NDUFB6: variants seen among roughly 807,000 people sequenced by gnomAD.
The protein encoded by NDUFB6 is NADH dehydrogenase [ubiquinone] 1 beta subcomplex subunit 6.
NDUFB6 carries 23 observed loss-of-function variants against 17.5 expected under a neutral mutation model. The observed-to-expected ratio is 1.31, with a 90% confidence interval of 0.94 to 1.86. The LOEUF is 1.86. NDUFB6 is among the 40% of genes most tolerant of loss of function. The pLI is 0.00. For missense variants in NDUFB6, 167 were observed against 153.8 expected, an observed-to-expected ratio of 1.09 and a Z score of -0.46; for synonymous variants, 60 against 53.5, an observed-to-expected ratio of 1.12 and a Z score of -0.53.
intron 2 of NDUFB6, chr9:32,566,758 G>A (rs978599251): frequency 1.8e-5 from 16 of 906,000 alleles, no homozygotes; most frequent in East Asian, 5.1e-5. Flanking sequence ...TCCTCAGCCC[G>A]GGTGTCGGCT....
chr9:32,566,381 T>C, intron 2 of NDUFB6: 1 of 1,090,280 alleles, frequency 9.2e-7, no homozygotes, highest in Non-Finnish European at 1.4e-6. Flanking sequence ...GTTTCCACTA[T>C]GTGATCCAGG....
intron 2 of NDUFB6, chr9:32,566,791 A>T: frequency 1.1e-6 from 1 of 912,066 alleles, no homozygotes; most frequent in Non-Finnish European, 1.8e-6. Flanking sequence ...CTGACGTTGT[A>T]CAGGAGGTCG....
chr9:32,569,682 T>A, intron 2 of NDUFB6, among the ~76,000 whole-genome samples: 1 of 47,458 alleles, frequency 2.1e-5, no homozygotes, highest in African/African-American at 7.6e-5. Flanking sequence ...TCCAGCTATT[T>A]TTTTTTCTTT....
At chr9:32,554,468 G>C (rs1821399236) in intron 3 of NDUFB6, among the ~76,000 whole-genome samples, 1 of 152,200 alleles carries the variant, frequency 6.6e-6, no homozygotes, top group African/African-American at 2.4e-5. Flanking sequence ...GAACCAAGTG[G>C]TAAGAATCTT....
intron 3 of NDUFB6, among the ~76,000 whole-genome samples, chr9:32,555,994 A>C (rs1227542058): frequency 1.3e-5 from 2 of 152,230 alleles, no homozygotes; most frequent in Non-Finnish European, 1.5e-5. Context: ...GATACAGTTA[A>C]CTTGTCTTCT....
At chr9:32,569,547 C>T (rs1008888209) in intron 2 of NDUFB6, among the ~76,000 whole-genome samples, 1 of 152,182 alleles carries the variant, frequency 6.6e-6, no homozygotes, top group African/African-American at 2.4e-5. Context: ...AGCATATCAA[C>T]CTGGCACCTA....
At position 32,553,062 on chromosome 9, in the gene NDUFB6, CACTT is replaced by C. The variant is rs1235851133; in HGVS notation, c.*810_*813del. 9.6e-6 allele frequency: 5 copies of C among 521,964 alleles called. No homozygotes were observed. Among genetic ancestry groups the C allele is most frequent in the African/African-American group, 5.8e-5 (3 of 51,904 alleles). The allele number at this position is 521,964 out of a possible 1,614,324, so 32.3% of individuals were successfully genotyped here. A position where few individuals can be genotyped will look rare whatever the true frequency, so the allele number is the denominator to read the frequency against. On this transcript the variant is annotated 3_prime_UTR_variant, in exon 4 of 4. Coordinates refer to ENST00000379847, the MANE Select transcript of NDUFB6 (RefSeq NM_002493.5). The stretch of plus-strand genomic sequence containing the variant: ...AACAAGCACTAGTATGCAAATTTTT[CACTT>C]AGAGATTTTAGTATTTTACATTCTC...
intron 2 of NDUFB6, among the ~76,000 whole-genome samples, chr9:32,561,456 T>G (rs920633477): frequency 6.6e-6 from 1 of 152,066 alleles, no homozygotes; most frequent in Non-Finnish European, 1.5e-5. Context: ...GCCTTCTGAG[T>G]AGCTGGGATT....
chr9:32,561,618 C>T (rs1821629172), intron 2 of NDUFB6, among the ~76,000 whole-genome samples: 1 of 152,230 alleles, frequency 6.6e-6, no homozygotes, highest in African/African-American at 2.4e-5. Flanking sequence ...CATGAGCCAC[C>T]ACACCCAGTC....
chr9:32,567,079 C>T (rs1452393357), intron 2 of NDUFB6: 3 of 489,208 alleles, frequency 6.1e-6, no homozygotes, highest in East Asian at 1.3e-4. Flanking sequence ...CAAACTTCCT[C>T]GGGCTGCACA....
chr9:32,563,491 C>CTTTTTTTTTTTTTTTTTTTT lies in NDUFB6; in HGVS notation c.274-4538_274-4537insAAAAAAAAAAAAAAAAAAAA, dbSNP rs111646430. Reference sequence around the variant, plus strand: ...CTCCTGAACAGGTGGGACTATTGGGCTTTTTTTTTTTTTGGAGGGATGGGG... The same window carrying CTTTTTTTTTTTTTTTTTTTT: ...CTCCTGAACAGGTGGGACTATTGGGCTTTTTTTTTTTTTTTTTTTTTTTTTTTTTTTTTGGAGGGATGGGG... On this transcript the variant is annotated intron_variant, in intron 2 of 3. Coordinates refer to ENST00000379847, the MANE Select transcript of NDUFB6 (RefSeq NM_002493.5). Among the ~76,000 whole-genome samples the CTTTTTTTTTTTTTTTTTTTT allele has an allele frequency of 5.9e-4, 54 of 91,980 alleles. 6 individuals carry two copies. The highest frequency in any genetic ancestry group is 1.9e-3 in the African/African-American group (44 of 22,576). The allele number at this position is 91,980 out of a possible 152,430, so 60.3% of individuals were successfully genotyped here.
intron 2 of NDUFB6, among the ~76,000 whole-genome samples, chr9:32,564,013 C>G (rs1275454449): frequency 6.6e-6 from 1 of 152,168 alleles, no homozygotes; most frequent in Non-Finnish European, 1.5e-5. Context: ...AGCTCTGGGT[C>G]CTTTCAGTGC....
chr9:32,566,796 A>C (rs1056192880), intron 2 of NDUFB6: 1 of 904,430 alleles, frequency 1.1e-6, no homozygotes, highest in Non-Finnish European at 1.8e-6. Context: ...GTTGTACAGG[A>C]GGTCGGCCAG....
At chr9:32,568,880 A>T (rs1014978683) in intron 2 of NDUFB6, among the ~76,000 whole-genome samples, 47 of 150,152 alleles carry the variant, frequency 3.1e-4, no homozygotes, top group African/African-American at 1.0e-3. Flanking sequence ...CCTCCCGAGT[A>T]GCTGGGATTA....
intron 2 of NDUFB6, among the ~76,000 whole-genome samples, chr9:32,560,447 G>A (rs1165082250): frequency 6.6e-6 from 1 of 152,192 alleles, no homozygotes; most frequent in Admixed American, 6.5e-5. Flanking sequence ...GTTAAACCCA[G>A]AGTATAAATA....
chr9:32,562,536 T>A (rs1436474380), intron 2 of NDUFB6, among the ~76,000 whole-genome samples: 1 of 152,206 alleles, frequency 6.6e-6, no homozygotes, highest in African/African-American at 2.4e-5. Context: ...TGTTAGACAG[T>A]CCTTAACTTC....
At chr9:32,569,487 G>C (rs575828493) in intron 2 of NDUFB6, among the ~76,000 whole-genome samples, 18 of 152,134 alleles carry the variant, frequency 1.2e-4, no homozygotes, top group African/African-American at 4.3e-4. Flanking sequence ...CAAAGTGCTG[G>C]GATTACAGGC....
intron 2 of NDUFB6, chr9:32,568,748 A>ATATTTT (rs1213123923): frequency 9.6e-5 from 11 of 114,400 alleles, no homozygotes; most frequent in African/African-American, 2.8e-4. Context: ...ATATATATAT[A>ATATTTT]TTTTTTTTTT....
rs1476073139 is a variant in NDUFB6, at chr9:32,566,162, AC to A, written c.273+4797del. On this transcript the variant is annotated intron_variant, in intron 2 of 3. Coordinates refer to ENST00000379847, the MANE Select transcript of NDUFB6 (RefSeq NM_002493.5). ...GTGTGTATATGTCACTGGCGCTTTCACACAGGCCACTTCCTCTTCAACCTTG... is the reference window on the plus strand; with the variant it reads ...GTGTGTATATGTCACTGGCGCTTTCAACAGGCCACTTCCTCTTCAACCTTG... The A allele has an allele frequency of 5.7e-5, 40 of 705,604 alleles. No individual in the cohort carries two copies. In the Middle Eastern group the frequency reaches 7.5e-4, roughly 13 times the overall value. 43.7% of individuals were successfully genotyped at this position (705,604 alleles called of 1,614,324 possible).
Sources: gnomAD v4.1 joint callset for allele counts (sites outside exome capture counted in the v4.1 genomes callset) on GRCh38, gnomAD v4.1.1 for gene constraint, MANE v1.5 for transcripts, NCBI Gene and HGNC (gene_info 2026-07-23, HGNC 2026-07-21) for gene names.